Variants in OPCML observed in about 807,000 individuals in gnomAD.
The protein encoded by OPCML is opioid binding protein/cell adhesion molecule like, also known as opioid-binding protein/cell adhesion molecule.
OPCML carries 13 observed loss-of-function variants against 37.8 expected under a neutral mutation model. The observed-to-expected ratio is 0.34, with a 90% confidence interval of 0.22 to 0.55. The LOEUF is 0.55. Among genes scored for constraint, OPCML ranks in the 20% least tolerant of loss-of-function variants. The probability of loss-of-function intolerance (pLI) is 0.91; values close to 1 mark genes in which losing one functional copy is unlikely to be tolerated. For missense variants in OPCML, 341 were observed against 435.6 expected, an observed-to-expected ratio of 0.78 and a Z score of 1.93; for synonymous variants, 176 against 168.8, an observed-to-expected ratio of 1.04 and a Z score of -0.33.
intron 1 of OPCML, among the ~76,000 whole-genome samples, chr11:133,133,375 C>T (rs1464421355): frequency 6.6e-6 from 1 of 152,162 alleles, no homozygotes; most frequent in Non-Finnish European, 1.5e-5. Context: ...TTTTTAGCCT[C>T]CACATTTTCT....
intron 2 of OPCML, among the ~76,000 whole-genome samples, chr11:132,828,192 G>C (rs1375399604): frequency 6.6e-6 from 1 of 152,148 alleles, no homozygotes; most frequent in Non-Finnish European, 1.5e-5. Context: ...TTCTGGAAAA[G>C]GCACAATTAT....
At chr11:133,508,763 G>A (rs988948660) in intron 1 of OPCML, among the ~76,000 whole-genome samples, 2 of 152,142 alleles carry the variant, frequency 1.3e-5, no homozygotes, top group Admixed American at 6.5e-5. Flanking sequence ...GTCCCTCCAC[G>A]CCGGATGCAG....
intron 1 of OPCML, among the ~76,000 whole-genome samples, chr11:133,022,910 A>G (rs555304101): frequency 1.3e-5 from 2 of 152,324 alleles, no homozygotes; most frequent in East Asian, 3.9e-4. Flanking sequence ...AATGCTTGGA[A>G]TCATGGGCTC....
At chr11:133,312,129 C>T (rs538156746) in intron 1 of OPCML, among the ~76,000 whole-genome samples, 5 of 152,326 alleles carry the variant, frequency 3.3e-5, no homozygotes, top group South Asian at 4.1e-4. Context: ...CATTTGGAGG[C>T]TCATCTGCTG....
chr11:132,993,561 A>C (rs529835650), intron 1 of OPCML, among the ~76,000 whole-genome samples: 3 of 152,184 alleles, frequency 2.0e-5, no homozygotes, highest in Non-Finnish European at 4.4e-5. Context: ...CATTTTCTTC[A>C]TGCCCTCCAG....
chr11:133,467,263 A>C lies in OPCML; in HGVS notation c.61+65001T>G, dbSNP rs552809428. On this transcript the variant is annotated intron_variant, in intron 1 of 7. Coordinates refer to ENST00000524381, the MANE Select transcript of OPCML (RefSeq NM_001012393.5). ...TTTTCATCCCTGCTCTTCTCTTTCA[A>C]GTGCAAAATACAACAGGATTCGATA... Among the ~76,000 whole-genome samples, 22 of 152,250 alleles carry C rather than the reference A, an allele frequency of 1.4e-4. 1 individual carries two copies. The South Asian group carries it at 4.6e-3, about 32-fold the overall frequency.
At chr11:132,479,687 C>T (rs997689700) in intron 4 of OPCML, among the ~76,000 whole-genome samples, 1 of 152,174 alleles carries the variant, frequency 6.6e-6, no homozygotes, top group Non-Finnish European at 1.5e-5. Flanking sequence ...TGAGAACAGG[C>T]AGACTGCCTC....
chr11:132,448,867 A>T (rs1269167705), intron 4 of OPCML, among the ~76,000 whole-genome samples: 2 of 152,096 alleles, frequency 1.3e-5, no homozygotes, highest in East Asian at 3.9e-4. Flanking sequence ...AACCACAATT[A>T]TTTTTTCTGT....
intron 4 of OPCML, among the ~76,000 whole-genome samples, chr11:132,442,303 A>T (rs2096038726): frequency 6.6e-6 from 1 of 152,192 alleles, no homozygotes; most frequent in African/African-American, 2.4e-5. Flanking sequence ...CTATTTGGGG[A>T]TGAAAAAGAT....
At chr11:132,679,870 C>T (rs1042268134) in intron 2 of OPCML, among the ~76,000 whole-genome samples, 43 of 152,020 alleles carry the variant, frequency 2.8e-4, no homozygotes, top group African/African-American at 9.2e-4. Flanking sequence ...TGATTATGGA[C>T]GTGTGAGTGT....
chr11:133,137,942 A>G (rs1481021565), intron 1 of OPCML, among the ~76,000 whole-genome samples: 2 of 152,300 alleles, frequency 1.3e-5, no homozygotes, highest in East Asian at 3.9e-4. Flanking sequence ...TCCTTTTTCA[A>G]GAGTTCTTTT....
chr11:133,102,191 A>C (rs1949093439), intron 1 of OPCML, among the ~76,000 whole-genome samples: 1 of 152,232 alleles, frequency 6.6e-6, no homozygotes, highest in Non-Finnish European at 1.5e-5. Context: ...ACACTAATGT[A>C]AACTATGGAC....
chr11:133,059,206 C>A (rs1487861529), intron 1 of OPCML, among the ~76,000 whole-genome samples: 1 of 152,188 alleles, frequency 6.6e-6, no homozygotes, highest in Non-Finnish European at 1.5e-5. Flanking sequence ...CTTGACATTT[C>A]TTATCTTACA....
chr11:132,457,569 T>A (rs1305895240), intron 4 of OPCML, among the ~76,000 whole-genome samples: 2 of 152,194 alleles, frequency 1.3e-5, no homozygotes, highest in African/African-American at 2.4e-5. Flanking sequence ...AATACCAATA[T>A]AACAGCAAAC....
At chr11:132,572,252 C>T (rs73036870) in intron 3 of OPCML, among the ~76,000 whole-genome samples, 4 of 151,918 alleles carry the variant, frequency 2.6e-5, no homozygotes, top group African/African-American at 9.7e-5. Flanking sequence ...GATTCCTTTG[C>T]TTTGCTTTTT....
chr11:132,994,270 C>T (rs901012521), intron 1 of OPCML, among the ~76,000 whole-genome samples: 1 of 152,150 alleles, frequency 6.6e-6, no homozygotes, highest in Non-Finnish European at 1.5e-5. Flanking sequence ...CTTTTACGGC[C>T]GGAACTCGGG....
intron 2 of OPCML, among the ~76,000 whole-genome samples, chr11:132,794,070 G>A (rs11223211): frequency 0.48 from 72,517 of 151,998 alleles, 17,491 homozygotes; most frequent in Admixed American, 0.51. Context: ...TAATAATCAC[G>A]CTTTCTTTGA....
At chr11:132,439,269 A>T (rs888624061) in intron 4 of OPCML, among the ~76,000 whole-genome samples, 2 of 152,172 alleles carry the variant, frequency 1.3e-5, no homozygotes, top group Non-Finnish European at 2.9e-5. Flanking sequence ...AGTGACCCAC[A>T]TGCTCCCAGC....
At chr11:133,383,157 C>G (rs1376415080) in intron 1 of OPCML, among the ~76,000 whole-genome samples, 1 of 152,126 alleles carries the variant, frequency 6.6e-6, no homozygotes, top group Non-Finnish European at 1.5e-5. Context: ...AAACAGGTCT[C>G]ACGCCTCATC....
Sources: gnomAD v4.1 joint callset for allele counts (sites outside exome capture counted in the v4.1 genomes callset) on GRCh38, gnomAD v4.1.1 for gene constraint, MANE v1.5 for transcripts, NCBI Gene and HGNC (gene_info 2026-07-23, HGNC 2026-07-21) for gene names.